RBFOX1: variants seen among roughly 807,000 people sequenced by gnomAD.
The protein encoded by RBFOX1 is RNA binding protein fox-1 homolog 1.
A neutral mutation model predicts 57.7 loss-of-function variants in RBFOX1; 8 were observed. The observed-to-expected ratio is 0.14, with a 90% CI of 0.08 to 0.25. The LOEUF (loss-of-function observed/expected upper bound fraction) is 0.25, where lower values mean the gene tolerates loss of function less well. RBFOX1 is among the 10% of genes least tolerant of loss of function. The pLI is 1.00. For missense variants in RBFOX1, 611 were observed against 548.5 expected (o/e 1.11, Z -1.14); for synonymous variants, 326 against 222.4 (o/e 1.47, Z -4.15).
At chr16:6,896,387 T>C (rs547663505) in intron 3 of RBFOX1, among the ~76,000 whole-genome samples, 2 of 152,178 alleles carry the variant, frequency 1.3e-5, no homozygotes, top group Non-Finnish European at 2.9e-5. Context: ...TTTTTCTTTC[T>C]TTTTTTCTTT....
intron 1 of RBFOX1, among the ~76,000 whole-genome samples, chr16:5,456,011 AAGT>A (rs755462608): frequency 1.8e-4 from 28 of 151,962 alleles, no homozygotes; most frequent in Non-Finnish European, 2.8e-4. Flanking sequence ...AAGAATATGA[AAGT>A]AATATGTGTG....
intron 3 of RBFOX1, among the ~76,000 whole-genome samples, chr16:6,960,507 C>G (rs1296341454): frequency 2.0e-5 from 3 of 152,114 alleles, no homozygotes; most frequent in Non-Finnish European, 4.4e-5. Flanking sequence ...CAGCCTGACC[C>G]TCAGTTTGGT....
intron 3 of RBFOX1, among the ~76,000 whole-genome samples, chr16:5,628,752 G>T (rs545140502): frequency 7.9e-5 from 12 of 152,156 alleles, no homozygotes; most frequent in Non-Finnish European, 1.5e-4. Context: ...AAGTTCCAAG[G>T]GCAGGATTTT....
intron 1 of RBFOX1, among the ~76,000 whole-genome samples, chr16:5,375,515 G>A (rs577558637): frequency 1.3e-5 from 2 of 152,318 alleles, no homozygotes; most frequent in South Asian, 4.1e-4. Context: ...GGGCAGGGGA[G>A]GGAGAGGACT....
chr16:7,165,955 C>CACACAA (rs1424265551), intron 4 of RBFOX1, among the ~76,000 whole-genome samples: 9 of 93,110 alleles, frequency 9.7e-5, no homozygotes, highest in African/African-American at 4.3e-4. Context: ...CACACACACA[C>CACACAA]ACACACACAC....
chr16:6,049,781 C>T (rs771684786), intron 1 of RBFOX1, among the ~76,000 whole-genome samples: 13 of 152,074 alleles, frequency 8.5e-5, no homozygotes, highest in Non-Finnish European at 1.6e-4. Flanking sequence ...TTCCCCTTGC[C>T]CCACATTTGC....
At chr16:6,497,904 GT>G (rs947423747) in intron 2 of RBFOX1, among the ~76,000 whole-genome samples, 1 of 151,862 alleles carries the variant, frequency 6.6e-6, no homozygotes, top group African/African-American at 2.4e-5. Flanking sequence ...GCATTCAGAG[GT>G]TTTCAATCAT....
intron 4 of RBFOX1, among the ~76,000 whole-genome samples, chr16:5,999,285 C>A (rs907746998): frequency 6.6e-6 from 1 of 152,158 alleles, no homozygotes; most frequent in Non-Finnish European, 1.5e-5. Flanking sequence ...CTAGAATTCC[C>A]CCTCATGCTT....
intron 1 of RBFOX1, among the ~76,000 whole-genome samples, chr16:5,433,680 G>A (rs1332522972): frequency 2.0e-5 from 3 of 152,176 alleles, no homozygotes; most frequent in Non-Finnish European, 4.4e-5. Flanking sequence ...CAATTACAAC[G>A]AATAAATGAA....
chr16:6,521,185 G>A (rs956421090), intron 2 of RBFOX1, among the ~76,000 whole-genome samples: 13 of 152,090 alleles, frequency 8.5e-5, no homozygotes, highest in African/African-American at 3.1e-4. Flanking sequence ...ACCTAACAAT[G>A]GGTATTGCTT....
rs138577113 is a variant in RBFOX1 at position 5,707,646 on chromosome 16, A to G, written c.318+108685A>G. ...GATACAGCTGGCATCACGTGTGGCT[A>G]TGAGGTTTGCTGGTGTTGCATCCTT... On this transcript the variant is annotated intron_variant, in intron 3 of 19. Coordinates refer to the RBFOX1 transcript ENST00000641259. Among the ~76,000 whole-genome samples, 319 of 152,318 alleles carry G rather than the reference A, an allele frequency of 2.1e-3. 2 individuals carry two copies. The highest frequency in any genetic ancestry group is 7.0e-3 in the African/African-American group (291 of 41,576).
At chr16:5,271,433 G>T (rs532920619) in intron 1 of RBFOX1, among the ~76,000 whole-genome samples, 1 of 152,336 alleles carries the variant, frequency 6.6e-6, no homozygotes, top group East Asian at 1.9e-4. Context: ...CAGTAGGGCT[G>T]GGTATCCCCT....
At chr16:7,383,290 G>A (rs1210965145) in intron 4 of RBFOX1, among the ~76,000 whole-genome samples, 2 of 150,244 alleles carry the variant, frequency 1.3e-5, no homozygotes, top group Non-Finnish European at 3.0e-5. Flanking sequence ...AACGTAAAAT[G>A]CAACAACACT....
chr16:5,349,748 T>C (rs759487860), intron 1 of RBFOX1, among the ~76,000 whole-genome samples: 1 of 152,148 alleles, frequency 6.6e-6, no homozygotes, highest in Non-Finnish European at 1.5e-5. Context: ...CTGAATGATT[T>C]GGAAGCTGCT....
chr16:6,507,751 A>T (rs896493244), intron 2 of RBFOX1, among the ~76,000 whole-genome samples: 2 of 152,108 alleles, frequency 1.3e-5, no homozygotes, highest in Non-Finnish European at 2.9e-5. Flanking sequence ...TTCCACTTAT[A>T]TAAAGTATCT....
intron 1 of RBFOX1, among the ~76,000 whole-genome samples, chr16:5,397,798 G>A (rs1010653439): frequency 9.9e-5 from 15 of 152,152 alleles, no homozygotes; most frequent in African/African-American, 3.6e-4. Flanking sequence ...ATTTTATTAA[G>A]GAATTACTAT....
chr16:7,409,327 A>C (rs2098398489), intron 4 of RBFOX1, among the ~76,000 whole-genome samples: 1 of 152,228 alleles, frequency 6.6e-6, no homozygotes, highest in East Asian at 1.9e-4. Context: ...ACTGGAGCAG[A>C]AAGAGCCCTG....
intron 3 of RBFOX1, among the ~76,000 whole-genome samples, chr16:6,895,395 C>T (rs1477334792): frequency 6.8e-6 from 1 of 146,052 alleles, no homozygotes; most frequent in African/African-American, 2.5e-5. Flanking sequence ...TCGTCTGCCT[C>T]AGCCACTAGT....
At chr16:6,143,021 C>T (rs533270907) in intron 1 of RBFOX1, among the ~76,000 whole-genome samples, 34 of 152,270 alleles carry the variant, frequency 2.2e-4, no homozygotes, top group Admixed American at 1.5e-3. Flanking sequence ...CAGCTCGGCT[C>T]TTGGTAGATA....
Sources: gnomAD v4.1 joint callset for allele counts (sites outside exome capture counted in the v4.1 genomes callset) on GRCh38, gnomAD v4.1.1 for gene constraint, MANE v1.5 for transcripts, NCBI Gene and HGNC (gene_info 2026-07-23, HGNC 2026-07-21) for gene names.